METTL15: variants seen among roughly 807,000 people sequenced by gnomAD.
The protein encoded by METTL15 is 12S rRNA N(4)-cytidine methyltransferase METTL15.
METTL15 carries 34 observed loss-of-function variants against 38.3 expected under a neutral mutation model. The observed-to-expected ratio is 0.89, with a 90% CI of 0.68 to 1.18. METTL15 has a LOEUF of 1.18. Ranked by LOEUF, METTL15 falls within the 50% of genes most tolerant of loss-of-function variation. The probability of loss-of-function intolerance (pLI) is 0.00; values close to 1 mark genes in which losing one functional copy is unlikely to be tolerated. For synonymous variants in METTL15, 162 were observed against 170.9 expected (o/e 0.95, Z 0.41); for missense variants, 438 against 498.4 (o/e 0.88, Z 1.15).
intron 3 of METTL15, among the ~76,000 whole-genome samples, chr11:28,115,164 C>G (rs1851885941): frequency 6.6e-6 from 1 of 152,146 alleles, no homozygotes; most frequent in Non-Finnish European, 1.5e-5. Flanking sequence ...CCATGTATAA[C>G]TTTTGATTCT....
intron 3 of METTL15, among the ~76,000 whole-genome samples, chr11:28,339,283 A>G (rs1849928717): frequency 6.6e-6 from 1 of 152,106 alleles, no homozygotes; most frequent in African/African-American, 2.4e-5. Context: ...TTTTTAAAAG[A>G]TGAAGAATAC....
At chr11:28,297,816 A>G (rs899964527) in intron 6 of METTL15, among the ~76,000 whole-genome samples, 9 of 152,126 alleles carry the variant, frequency 5.9e-5, no homozygotes, top group Non-Finnish European at 1.2e-4. Context: ...GTAAATTTTA[A>G]GAAGTTTTTA....
chr11:28,274,621 A>T (rs11030265), intron 4 of METTL15, among the ~76,000 whole-genome samples: 57,241 of 151,856 alleles, frequency 0.38, 12,338 homozygotes, highest in African/African-American at 0.59. Flanking sequence ...CAAACCCCAG[A>T]CTACATGAGT....
chr11:28,157,966 G>C (rs537241718), intron 3 of METTL15, among the ~76,000 whole-genome samples: 1 of 152,172 alleles, frequency 6.6e-6, no homozygotes, highest in African/African-American at 2.4e-5. Context: ...GAAGGACGGC[G>C]GTGAAGGGAA....
intron 4 of METTL15, among the ~76,000 whole-genome samples, chr11:28,240,899 CT>C (rs965070694): frequency 3.3e-5 from 5 of 151,868 alleles, no homozygotes; most frequent in African/African-American, 1.2e-4. Flanking sequence ...GTGTTTCAAA[CT>C]TTTTTTAAAA....
At chr11:28,121,491 A>G (rs1216242721) in intron 3 of METTL15, among the ~76,000 whole-genome samples, 1 of 152,156 alleles carries the variant, frequency 6.6e-6, no homozygotes, top group African/African-American at 2.4e-5. Context: ...AATAAACCTT[A>G]AAAGGGTTTC....
At chr11:28,131,488 T>G (rs2133633611) in intron 3 of METTL15, among the ~76,000 whole-genome samples, 1 of 145,282 alleles carries the variant, frequency 6.9e-6, no homozygotes, top group South Asian at 2.2e-4. Context: ...TCCTTTCTAC[T>G]ATACTTCCAA....
Position 28,134,202 on chromosome 11 carries a change from G to A in METTL15, c.270+20598G>A, listed in dbSNP as rs189962218. Among the ~76,000 whole-genome samples the A allele has an allele frequency of 4.9e-4, 75 of 152,288 alleles. No individual in the cohort carries two copies. In the East Asian group the frequency reaches 0.013, roughly 26 times the overall value. On this transcript the variant is annotated intron_variant, in intron 3 of 6. Coordinates refer to ENST00000407364, the MANE Select transcript of METTL15 (RefSeq NM_001113528.2). ...AATAGCCACGTGGACATTGAAGAGCGAGTAGGTGTAGTGGATTTTGTTAGG... is the reference window on the plus strand; with the variant it reads ...AATAGCCACGTGGACATTGAAGAGCAAGTAGGTGTAGTGGATTTTGTTAGG...
chr11:28,159,207 G>A (rs552794014), intron 3 of METTL15, among the ~76,000 whole-genome samples: 16 of 152,220 alleles, frequency 1.1e-4, no homozygotes, highest in East Asian at 3.9e-4. Flanking sequence ...GGCTAAGAAG[G>A]GAGATACAGT....
At position 28,210,811 on chromosome 11, in the gene METTL15, T is replaced by C. The variant is rs548728613; in HGVS notation, c.271-251T>C. On this transcript the variant is annotated intron_variant, in intron 3 of 6. Coordinates refer to ENST00000407364, the MANE Select transcript of METTL15 (RefSeq NM_001113528.2). ...TTGACCTTATAGAGAGAAATATAAA[T>C]TTGTCTTGAATTAGCCAGTCTGTGT... 3.9e-5 allele frequency among the ~76,000 whole-genome samples: 6 copies of C among 152,144 alleles called. No individual in the cohort carries two copies. In the South Asian group the frequency reaches 1.2e-3, roughly 31 times the overall value.
chr11:28,370,998 T>C (rs187654648), intron 5 of METTL15, among the ~76,000 whole-genome samples: 4 of 152,224 alleles, frequency 2.6e-5, no homozygotes, highest in Non-Finnish European at 5.9e-5. Flanking sequence ...TCCCACTTTG[T>C]GGGTTGTCTC....
downstream of METTL15, among the ~76,000 whole-genome samples, chr11:28,337,626 A>G (rs1849913145): frequency 6.6e-6 from 1 of 152,136 alleles, no homozygotes; most frequent in Admixed American, 6.6e-5. Flanking sequence ...CACTGACTCA[A>G]AGCAACTTCC....
chr11:28,350,906 T>C (rs1305175203), intron 3 of METTL15, among the ~76,000 whole-genome samples: 3 of 152,190 alleles, frequency 2.0e-5, no homozygotes, highest in Admixed American at 2.0e-4. Flanking sequence ...AATATATTTA[T>C]GCTAGGTCAC....
At chr11:28,419,200 CA>C (rs1850798861) in intron 5 of METTL15, among the ~76,000 whole-genome samples, 2 of 152,184 alleles carry the variant, frequency 1.3e-5, no homozygotes, top group Admixed American at 1.3e-4. Context: ...AGTGCTATGC[CA>C]GTTTCAGGTC....
intron 3 of METTL15, among the ~76,000 whole-genome samples, chr11:28,194,122 A>ATCTTTCTTTCTTTTTT (rs1851801877): frequency 1.0e-5 from 1 of 99,078 alleles, no homozygotes; most frequent in East Asian, 3.3e-4. Context: ...TTGATGGTTG[A>ATCTTTCTTTCTTTTTT]TCTTTCTTTC....
chr11:28,411,145 TTAA>T (rs1280098634), intron 5 of METTL15, among the ~76,000 whole-genome samples: 1 of 151,996 alleles, frequency 6.6e-6, no homozygotes, highest in Non-Finnish European at 1.5e-5. Context: ...ATAAGAAGAA[TTAA>T]TATTGTTAAT....
In METTL15 at chr11:28,420,016, C is replaced by T. The variant is rs139753571; in HGVS notation, c.*359-4283C>T. 7.6e-3 allele frequency among the ~76,000 whole-genome samples: 1,157 copies of T among 152,078 alleles called. 72 individuals carry two copies. The highest frequency in any genetic ancestry group is 0.067 in the Admixed American group (1,021 of 15,268). ...AATAAAAGAGAATGAAGACCGTCTACAAGATCTAGAAAATATAGCCCAAAA... is the reference window on the plus strand; with the variant it reads ...AATAAAAGAGAATGAAGACCGTCTATAAGATCTAGAAAATATAGCCCAAAA... On this transcript the variant is annotated intron_variant and NMD_transcript_variant, in intron 5 of 7. Coordinates refer to the METTL15 transcript ENST00000532947.
chr11:28,324,559 T>G (rs187245294), intron 6 of METTL15, among the ~76,000 whole-genome samples: 1 of 152,202 alleles, frequency 6.6e-6, no homozygotes, highest in Admixed American at 6.5e-5. Context: ...ACAGGGAAAT[T>G]GCTGGCAAAT....
chr11:28,235,392 T>G (rs1853906754), intron 4 of METTL15, among the ~76,000 whole-genome samples: 2 of 151,976 alleles, frequency 1.3e-5, no homozygotes, highest in Admixed American at 6.6e-5. Flanking sequence ...TAAATTACCT[T>G]GGGCAGTATG....
Sources: allele counts gnomAD v4.1 joint callset (sites outside exome capture counted in the v4.1 genomes callset), GRCh38; gene constraint gnomAD v4.1.1; transcripts MANE v1.5; gene names NCBI Gene and HGNC (gene_info 2026-07-23, HGNC 2026-07-21).